FHIT: variants seen among roughly 807,000 people sequenced by gnomAD.
The protein encoded by FHIT is bis(5'-adenosyl)-triphosphatase.
Under a neutral mutation model 17.9 loss-of-function variants are expected in FHIT, and 19 were observed. The observed-to-expected ratio is 1.06, with a 90% CI of 0.74 to 1.56. FHIT has a LOEUF of 1.56. Ranked by LOEUF, FHIT falls within the 40% of genes most tolerant of loss-of-function variation. The pLI, the probability that FHIT is intolerant of heterozygous loss-of-function variation, is 0.00. For missense variants in FHIT, 248 were observed against 189.2 expected, an observed-to-expected ratio of 1.31 and a Z score of -1.82; for synonymous variants, 81 against 69.7, an observed-to-expected ratio of 1.16 and a Z score of -0.81.
At chr3:60,454,788 T>C in intron 5 of FHIT, among the ~76,000 whole-genome samples, 1 of 152,178 alleles carries the variant, frequency 6.6e-6, no homozygotes, top group East Asian at 1.9e-4. Context: ...GTGCAAAAGT[T>C]GTTACACACA....
At chr3:59,794,567 G>A (rs759343586) in intron 8 of FHIT, among the ~76,000 whole-genome samples, 4 of 152,116 alleles carry the variant, frequency 2.6e-5, no homozygotes, top group African/African-American at 4.8e-5. Flanking sequence ...TATATGTATC[G>A]CCTCTTTTAA....
At chr3:59,859,678 G>A (rs1702326023) in intron 8 of FHIT, among the ~76,000 whole-genome samples, 2 of 152,148 alleles carry the variant, frequency 1.3e-5, no homozygotes, top group African/African-American at 4.8e-5. Context: ...TGAAGATCGC[G>A]TCACTGCACT....
At chr3:60,020,282 G>T (rs568184281) in intron 5 of FHIT, among the ~76,000 whole-genome samples, 23 of 152,090 alleles carry the variant, frequency 1.5e-4, no homozygotes, top group Admixed American at 2.6e-4. Context: ...TGACAAATAC[G>T]AAATATTTAA....
At chr3:60,245,677 A>T (rs1705359363) in intron 5 of FHIT, among the ~76,000 whole-genome samples, 1 of 152,112 alleles carries the variant, frequency 6.6e-6, no homozygotes, top group Non-Finnish European at 1.5e-5. Flanking sequence ...CCAGCCCTTG[A>T]TCCAGAACTT....
chr3:60,567,106 C>G (rs564906781), intron 4 of FHIT, among the ~76,000 whole-genome samples: 2 of 150,844 alleles, frequency 1.3e-5, no homozygotes, highest in Admixed American at 1.3e-4. Context: ...TTGGAAAAAA[C>G]TACTTTAAAG....
rs564814562 is a variant in FHIT, at chr3:60,812,230, T to G, written c.-18+9689A>C. ...GCTGTTGTTGCTCAGTGGAGTCATC[T>G]TGGCTCACTGCAACCTCTGCTTCCT... On this transcript the variant is annotated intron_variant, in intron 4 of 9. Transcript: ENST00000492590. Among the ~76,000 whole-genome samples, 6 of 151,924 alleles carry G rather than the reference T, an allele frequency of 3.9e-5. No homozygotes were observed. The South Asian group carries it at 8.4e-4, about 21-fold the overall frequency.
intron 2 of FHIT, among the ~76,000 whole-genome samples, chr3:61,141,378 T>C (rs1440801696): frequency 1.3e-5 from 2 of 152,080 alleles, no homozygotes; most frequent in South Asian, 2.1e-4. Context: ...CAAAGAGAAG[T>C]CTTAGTCATC....
chr3:59,922,488 A>G lies in FHIT; in HGVS notation c.280-74T>C, dbSNP rs142515781. 1.7e-4 allele frequency: 210 copies of G among 1,226,378 alleles called. No individual in the cohort carries two copies. In the African/African-American group the frequency reaches 2.9e-3, roughly 17 times the overall value. 76.0% of individuals were successfully genotyped at this position (1,226,378 alleles called of 1,614,324 possible). On this transcript the variant is annotated intron_variant, in intron 7 of 9. Transcript: ENST00000492590. ...TTTTAGACTTGACAGTGATGCTCTC[A>G]TGAAGCCCAATTACTCCACGATGGT...
intron 5 of FHIT, among the ~76,000 whole-genome samples, chr3:60,166,246 T>A (rs1231250183): frequency 6.6e-6 from 1 of 152,030 alleles, no homozygotes; most frequent in Non-Finnish European, 1.5e-5. Context: ...CCAGGGGTGT[T>A]AGGAACAGGA....
intron 4 of FHIT, among the ~76,000 whole-genome samples, chr3:60,647,477 G>C (rs1367523164): frequency 1.3e-5 from 2 of 152,120 alleles, no homozygotes; most frequent in African/African-American, 4.8e-5. Context: ...AAGAAGAAGA[G>C]ACTCTGGTAC....
chr3:60,748,488 A>G (rs1327169193), intron 4 of FHIT, among the ~76,000 whole-genome samples: 1 of 152,158 alleles, frequency 6.6e-6, no homozygotes, highest in Non-Finnish European at 1.5e-5. Flanking sequence ...AATAGCAAAT[A>G]TAACCTGTAC....
intron 5 of FHIT, among the ~76,000 whole-genome samples, chr3:60,341,535 T>C (rs1710516319): frequency 6.6e-6 from 1 of 152,132 alleles, no homozygotes; most frequent in Non-Finnish European, 1.5e-5. Context: ...TTCTAAGCTC[T>C]GTTGGGATCC....
intron 5 of FHIT, among the ~76,000 whole-genome samples, chr3:60,285,960 T>C (rs2107656781): frequency 6.6e-6 from 1 of 152,280 alleles, no homozygotes; most frequent in East Asian, 1.9e-4. Context: ...CTCCACGTGA[T>C]TTGGCTTCTC....
At chr3:61,213,597 C>T (rs530085159) in intron 1 of FHIT, among the ~76,000 whole-genome samples, 2 of 152,050 alleles carry the variant, frequency 1.3e-5, no homozygotes, top group South Asian at 4.1e-4. Context: ...GACAGATCAA[C>T]AAGACAGAAA....
intron 3 of FHIT, among the ~76,000 whole-genome samples, chr3:60,948,271 C>A (rs1377610550): frequency 6.6e-6 from 1 of 152,136 alleles, no homozygotes; most frequent in Non-Finnish European, 1.5e-5. Context: ...CCCAAAGGAC[C>A]TAACAGCCCA....
At chr3:60,633,763 C>G (rs779110187) in intron 4 of FHIT, among the ~76,000 whole-genome samples, 1 of 152,108 alleles carries the variant, frequency 6.6e-6, no homozygotes. Context: ...TTTGGGCAAG[C>G]GAGGAGAAAG....
At chr3:60,379,858 A>G (rs1006456453) in intron 5 of FHIT, among the ~76,000 whole-genome samples, 16 of 152,218 alleles carry the variant, frequency 1.1e-4, no homozygotes, top group Non-Finnish European at 2.4e-4. Flanking sequence ...AGGTTGAAGA[A>G]AAAACAAAAC....
At chr3:60,456,714 C>T (rs116465943) in intron 5 of FHIT, among the ~76,000 whole-genome samples, 154 of 152,250 alleles carry the variant, frequency 1.0e-3, no homozygotes, top group African/African-American at 3.6e-3. Context: ...AGTGGAAGAT[C>T]ATGTGTGTGT....
intron 4 of FHIT, among the ~76,000 whole-genome samples, chr3:60,632,755 A>C (rs532405838): frequency 6.6e-6 from 1 of 152,268 alleles, no homozygotes; most frequent in African/African-American, 2.4e-5. Flanking sequence ...AAATTTTCTA[A>C]AATTCATTGT....
Sources: gnomAD v4.1 joint callset for allele counts (sites outside exome capture counted in the v4.1 genomes callset) on GRCh38, gnomAD v4.1.1 for gene constraint, MANE v1.5 for transcripts, NCBI Gene and HGNC (gene_info 2026-07-23, HGNC 2026-07-21) for gene names.